CLSTN2: variants seen among roughly 807,000 people sequenced by gnomAD.
CLSTN2 encodes the protein calsyntenin-2.
Under a neutral mutation model 101.2 loss-of-function variants are expected in CLSTN2, and 48 were observed. That is an observed-to-expected ratio of 0.47 (90% confidence interval 0.38 to 0.60). The LOEUF (loss-of-function observed/expected upper bound fraction) is 0.60, where lower values mean the gene tolerates loss of function less well. CLSTN2 is among the 20% of genes least tolerant of loss of function. The pLI, the probability that CLSTN2 is intolerant of heterozygous loss-of-function variation, is 0.00. For missense variants in CLSTN2, 1,160 were observed against 1,238.2 expected (o/e 0.94, Z 0.95); for synonymous variants, 481 against 463.6 (o/e 1.04, Z -0.48).
Position 140,204,798 on chromosome 3 carries a change from G to T in CLSTN2, c.232+28725G>T, listed in dbSNP as rs528146555. On this transcript the variant is annotated intron_variant, in intron 2 of 16. Coordinates refer to ENST00000458420, the MANE Select transcript of CLSTN2 (RefSeq NM_022131.3). The stretch of plus-strand genomic sequence containing the variant: ...CATTGCCTAGGGTCTTATTCCCCTG[G>T]TTACTGCCACCACAGGCAGCTGAAC... Among the ~76,000 whole-genome samples, 78 of 152,264 alleles carry T rather than the reference G, an allele frequency of 5.1e-4. No individual in the cohort carries two copies. In the South Asian group the frequency reaches 0.015, roughly 30 times the overall value.
At chr3:140,488,783 C>A (rs1297301814) in intron 8 of CLSTN2, among the ~76,000 whole-genome samples, 1 of 149,562 alleles carries the variant, frequency 6.7e-6, no homozygotes, top group East Asian at 2.0e-4. Flanking sequence ...GGTCTTAAAA[C>A]ACCATTTGCA....
intron 1 of CLSTN2, among the ~76,000 whole-genome samples, chr3:140,073,029 G>A (rs887030483): frequency 6.6e-5 from 10 of 152,212 alleles, no homozygotes; most frequent in African/African-American, 1.9e-4. Flanking sequence ...GATGTCATTC[G>A]ATCTTAATTT....
intron 8 of CLSTN2, among the ~76,000 whole-genome samples, chr3:140,498,488 G>T (rs1398004088): frequency 6.6e-6 from 1 of 152,218 alleles, no homozygotes; most frequent in Non-Finnish European, 1.5e-5. Flanking sequence ...CCCAGATGGT[G>T]CCGAGCTCAG....
At chr3:140,307,251 T>C (rs2087123063) in intron 2 of CLSTN2, among the ~76,000 whole-genome samples, 1 of 152,162 alleles carries the variant, frequency 6.6e-6, no homozygotes, top group Non-Finnish European at 1.5e-5. Context: ...ATCAGCAGCA[T>C]GATAACAAAC....
chr3:140,374,091 G>A (rs2087889249), intron 2 of CLSTN2, among the ~76,000 whole-genome samples: 1 of 152,174 alleles, frequency 6.6e-6, no homozygotes, highest in Admixed American at 6.5e-5. Flanking sequence ...ACCTCCTACA[G>A]CATGGCATCC....
At chr3:140,270,139 G>A (rs917854059) in intron 2 of CLSTN2, among the ~76,000 whole-genome samples, 2 of 152,202 alleles carry the variant, frequency 1.3e-5, no homozygotes, top group Admixed American at 6.5e-5. Context: ...GAATGAGGAT[G>A]TGATGGCTAC....
chr3:140,439,268 C>T (rs145284113), intron 5 of CLSTN2, among the ~76,000 whole-genome samples: 2 of 152,352 alleles, frequency 1.3e-5, no homozygotes, highest in African/African-American at 4.8e-5. Flanking sequence ...ACTAGTGGCA[C>T]CAGTTCTCCT....
chr3:140,099,248 T>C (rs1181445142), intron 1 of CLSTN2, among the ~76,000 whole-genome samples: 1 of 152,128 alleles, frequency 6.6e-6, no homozygotes, highest in Non-Finnish European at 1.5e-5. Flanking sequence ...ACAACAGAAA[T>C]TGATTCTGTG....
At position 140,088,494 on chromosome 3, in the gene CLSTN2, C is replaced by T. The variant is rs192798654; in HGVS notation, c.110-87457C>T. Among the ~76,000 whole-genome samples the T allele has an allele frequency of 3.3e-3, 440 of 131,914 alleles. 2 individuals are homozygous for T. The highest frequency in any genetic ancestry group is 8.7e-3 in the Middle Eastern group (2 of 230). The allele number at this position is 131,914 out of a possible 152,430, so 86.5% of individuals were successfully genotyped here. A position where few individuals can be genotyped will look rare whatever the true frequency, so the allele number is the denominator to read the frequency against. On this transcript the variant is annotated intron_variant, in intron 1 of 16. Transcript: ENST00000458420. ...CTGAGCCACAATTTCCCATCCCAAC[C>T]CCATTTCACATTTATGGCCACCAAG...
intron 2 of CLSTN2, among the ~76,000 whole-genome samples, chr3:140,259,111 T>G (rs2086627676): frequency 6.6e-6 from 1 of 152,010 alleles, no homozygotes; most frequent in Non-Finnish European, 1.5e-5. Context: ...CCATGTATTT[T>G]TTTTTAAAAG....
chr3:140,002,693 G>A (rs2006867350), intron 1 of CLSTN2, among the ~76,000 whole-genome samples: 1 of 152,172 alleles, frequency 6.6e-6, no homozygotes, highest in South Asian at 2.1e-4. Context: ...CATAATTTGA[G>A]GTCATAGATT....
intron 2 of CLSTN2, among the ~76,000 whole-genome samples, chr3:140,402,248 C>A (rs887700811): frequency 2.0e-5 from 3 of 152,118 alleles, no homozygotes; most frequent in African/African-American, 7.2e-5. Flanking sequence ...TTTCTCCAGG[C>A]AATCCATGGA....
intron 2 of CLSTN2, among the ~76,000 whole-genome samples, chr3:140,338,406 G>A (rs1472433140): frequency 2.6e-5 from 4 of 152,272 alleles, no homozygotes; most frequent in South Asian, 4.1e-4. Context: ...TCTGTAAGTC[G>A]ACCCTGCTTA....
chr3:140,565,228 C>A (rs909333357), intron 16 of CLSTN2, among the ~76,000 whole-genome samples: 53 of 152,208 alleles, frequency 3.5e-4, no homozygotes, highest in Admixed American at 3.0e-3. Flanking sequence ...AGGACTGCAA[C>A]AATCAGGGAA....
In CLSTN2 at chr3:140,526,437, G is replaced by A. The variant is rs141011494; in HGVS notation, c.1345-5887G>A. Among the ~76,000 whole-genome samples, 912 of 151,630 alleles carry A rather than the reference G, an allele frequency of 6.0e-3. 8 individuals carry two copies. Among genetic ancestry groups the A allele is most frequent in the African/African-American group, 0.02 (843 of 41,154 alleles). ...AGATGACACAAAGAAATGGGAAAAC[G>A]TTTCATGCTTAAGGATTGGAAGGAT... On this transcript the variant is annotated intron_variant, in intron 8 of 16. Transcript: ENST00000458420.
chr3:140,276,293 T>A (rs1033768651), intron 2 of CLSTN2, among the ~76,000 whole-genome samples: 1 of 152,162 alleles, frequency 6.6e-6, no homozygotes, highest in East Asian at 1.9e-4. Context: ...GCATGCCCAG[T>A]TTGAAGGCCC....
intron 8 of CLSTN2, among the ~76,000 whole-genome samples, chr3:140,525,929 T>C (rs1420550722): frequency 6.6e-6 from 1 of 151,992 alleles, no homozygotes; most frequent in Non-Finnish European, 1.5e-5. Context: ...TCTCAAAATA[T>C]TAAAGGCCAT....
At chr3:140,508,801 T>C (rs1003068288) in intron 8 of CLSTN2, 2 of 152,182 alleles carry the variant, frequency 1.3e-5, no homozygotes, top group African/African-American at 2.4e-5. Flanking sequence ...TTCAGGAAAT[T>C]CATGAGGAAA....
At chr3:140,161,796 T>A (rs1223415281) in intron 1 of CLSTN2, among the ~76,000 whole-genome samples, 3 of 152,164 alleles carry the variant, frequency 2.0e-5, no homozygotes, top group Non-Finnish European at 4.4e-5. Context: ...AGCCACATAC[T>A]AAACTTTTGG....
Sources: gnomAD v4.1 joint callset for allele counts (sites outside exome capture counted in the v4.1 genomes callset) on GRCh38, gnomAD v4.1.1 for gene constraint, MANE v1.5 for transcripts, NCBI Gene and HGNC (gene_info 2026-07-23, HGNC 2026-07-21) for gene names.